BPIFC: variants seen among roughly 807,000 people sequenced by gnomAD.
BPIFC encodes BPI fold containing family C, also known as BPI fold-containing family C protein.
In BPIFC, 60 loss-of-function variants were observed where a neutral mutation model predicts 57.6. That is an observed-to-expected ratio of 1.04 (90% CI 0.85 to 1.29). The LOEUF (loss-of-function observed/expected upper bound fraction) is 1.29, where lower values mean the gene tolerates loss of function less well. Among genes scored for constraint, BPIFC ranks in the 50% most tolerant of loss-of-function variants. The probability of loss-of-function intolerance (pLI) is 0.00; values close to 1 mark genes in which losing one functional copy is unlikely to be tolerated. For missense variants in BPIFC, 581 were observed against 600.5 expected, an observed-to-expected ratio of 0.97 and a Z score of 0.34; for synonymous variants, 243 against 224.5, an observed-to-expected ratio of 1.08 and a Z score of -0.74.
At chr22:32,459,119 A>G (rs1935104743) in intron 2 of BPIFC, among the ~76,000 whole-genome samples, 1 of 152,230 alleles carries the variant, frequency 6.6e-6, no homozygotes, top group Non-Finnish European at 1.5e-5. Context: ...GTGAGCTATC[A>G]CTGCTGCACT....
intron 4 of BPIFC, among the ~76,000 whole-genome samples, chr22:32,451,348 C>G (rs910459617): frequency 2.0e-5 from 3 of 152,194 alleles, no homozygotes; most frequent in African/African-American, 7.2e-5. Context: ...GTGCATGTGT[C>G]TTTACAGCAA....
At chr22:32,425,290 C>A (rs9606952) in intron 13 of BPIFC, among the ~76,000 whole-genome samples, 18,811 of 152,142 alleles carry the variant, frequency 0.12, 1,556 homozygotes, top group Non-Finnish European at 0.19. Context: ...TTCATTTAAT[C>A]TACTGACATT....
At chr22:32,453,905 A>G (rs1390326365) in intron 3 of BPIFC, among the ~76,000 whole-genome samples, 1 of 151,892 alleles carries the variant, frequency 6.6e-6, no homozygotes, top group African/African-American at 2.4e-5. Flanking sequence ...AAACATTGAG[A>G]TCCTGTCTCT....
chr22:32,446,327 C>T (rs9621453), intron 5 of BPIFC, among the ~76,000 whole-genome samples: 63,438 of 152,028 alleles, frequency 0.42, 13,546 homozygotes, highest in Middle Eastern at 0.49. Flanking sequence ...AAGGGCAAGA[C>T]TGGCAACACT....
intron 3 of BPIFC, among the ~76,000 whole-genome samples, 172 bp from the exon 4 acceptor site, chr22:32,453,675 T>C (rs1934960411): frequency 6.6e-6 from 1 of 152,242 alleles, no homozygotes; most frequent in South Asian, 2.1e-4. Flanking sequence ...AAAACTCTGG[T>C]TCTCAGAGAG....
chr22:32,442,748 A>G lies in BPIFC; in HGVS notation c.595-17T>C. On this transcript the variant is annotated splice_polypyrimidine_tract_variant and intron_variant, in intron 7 of 16. Transcript: ENST00000300399. ...GGGACAGAGCTGGCCACAAAGGAAT[A>G]AAAAGAAAAAAGCAAGTTACCATGT... is the stretch of plus-strand genomic sequence containing the variant. The G allele has an allele frequency of 1.2e-6, 2 of 1,610,976 alleles. No individual in the cohort carries two copies. The highest frequency in any genetic ancestry group is 1.7e-6 in the Non-Finnish European group (2 of 1,178,050).
intron 13 of BPIFC, among the ~76,000 whole-genome samples, chr22:32,421,353 G>A (rs184109902): frequency 5.9e-5 from 9 of 152,224 alleles, no homozygotes; most frequent in Admixed American, 3.9e-4. Flanking sequence ...AAATATTAAC[G>A]GCAGATTTGT....
Position 32,445,704 on chromosome 22 carries a change from G to C in BPIFC, c.531-6C>G. On this transcript the variant is annotated splice_region_variant and splice_polypyrimidine_tract_variant and intron_variant, in intron 6 of 16. Coordinates refer to ENST00000300399, the MANE Select transcript of BPIFC (RefSeq NM_174932.3). ...CAAAGGAGTTATACAGAACACTGAGGAAAAAAATGAAAAAAAAAAAAAAAA... is the reference window on the plus strand; with the variant it reads ...CAAAGGAGTTATACAGAACACTGAGCAAAAAAATGAAAAAAAAAAAAAAAA... 1.9e-5 allele frequency: 3 copies of C among 155,476 alleles called. No individual in the cohort carries two copies. Among genetic ancestry groups the C allele is most frequent in the Non-Finnish European group, 3.0e-5 (3 of 99,146 alleles). 9.6% of individuals were successfully genotyped at this position (155,476 alleles called of 1,614,324 possible).
At chr22:32,446,512 T>G (rs894548182) in intron 5 of BPIFC, among the ~76,000 whole-genome samples, 4 of 152,162 alleles carry the variant, frequency 2.6e-5, no homozygotes, top group African/African-American at 9.7e-5. Context: ...AATGAATACA[T>G]GAATCTATGT....
At chr22:32,416,232 A>G (rs374080734) in intron 15 of BPIFC, among the ~76,000 whole-genome samples, 3 of 151,972 alleles carry the variant, frequency 2.0e-5, no homozygotes, top group African/African-American at 7.3e-5. Context: ...GATGCCCACC[A>G]CCATGCCTGG....
At chr22:32,445,368 T>A (rs2076031) in intron 7 of BPIFC, among the ~76,000 whole-genome samples, 1 of 151,782 alleles carries the variant, frequency 6.6e-6, no homozygotes, top group African/African-American at 2.4e-5. Context: ...AAACCCCGTC[T>A]CTACTAAAAA....
intron 13 of BPIFC, among the ~76,000 whole-genome samples, chr22:32,430,153 A>G (rs987942549): frequency 1.7e-4 from 26 of 152,178 alleles, no homozygotes; most frequent in Non-Finnish European, 2.5e-4. Context: ...CAGACAGGCC[A>G]TGGGGAAGAT....
At chr22:32,426,256 T>C (rs904182003) in intron 13 of BPIFC, among the ~76,000 whole-genome samples, 2 of 152,158 alleles carry the variant, frequency 1.3e-5, no homozygotes, top group African/African-American at 2.4e-5. Context: ...ACTTGATCCT[T>C]TTCCTGCTGC....
At chr22:32,436,288 G>C (rs1490574349) in intron 9 of BPIFC, among the ~76,000 whole-genome samples, 1 of 150,646 alleles carries the variant, frequency 6.6e-6, no homozygotes, top group Non-Finnish European at 1.5e-5. Flanking sequence ...GTGACAGAGG[G>C]GGACCTTGTC....
At chr22:32,420,353 G>C (rs1933812193) in intron 13 of BPIFC, among the ~76,000 whole-genome samples, 1 of 151,210 alleles carries the variant, frequency 6.6e-6, no homozygotes, top group Non-Finnish European at 1.5e-5. Context: ...CAGGTTTCTG[G>C]CTCTGAACTC....
chr22:32,448,729 G>A (rs1934803188), intron 4 of BPIFC, among the ~76,000 whole-genome samples: 1 of 152,072 alleles, frequency 6.6e-6, no homozygotes. Flanking sequence ...CACAAGGTCA[G>A]GAGTTCGAGA....
In BPIFC at chr22:32,419,803, C is replaced by CAA. The variant is rs34812283; in HGVS notation, c.1218-401_1218-400dup. On this transcript the variant is annotated intron_variant, in intron 13 of 16. Coordinates refer to ENST00000300399, the MANE Select transcript of BPIFC (RefSeq NM_174932.3). Reference sequence around the variant, plus strand: ...CCTGGGTATCAGAGTGAGACCCTGTCAAAAAAAAAAAAAAAAAAAAACAGA... The same window carrying CAA: ...CCTGGGTATCAGAGTGAGACCCTGTCAAAAAAAAAAAAAAAAAAAAAAACAGA... Among the ~76,000 whole-genome samples, 456 of 102,338 alleles carry CAA rather than the reference C, an allele frequency of 4.5e-3. 5 individuals are homozygous for CAA. Among genetic ancestry groups the CAA allele is most frequent in the African/African-American group, 0.014 (387 of 27,250 alleles). The allele number at this position is 102,338 out of a possible 152,430, so 67.1% of individuals were successfully genotyped here.
At chr22:32,422,138 A>C (rs1933866149) in intron 13 of BPIFC, among the ~76,000 whole-genome samples, 1 of 152,144 alleles carries the variant, frequency 6.6e-6, no homozygotes, top group Non-Finnish European at 1.5e-5. Flanking sequence ...CAAGAAATCC[A>C]ATGAAGGTTT....
chr22:32,433,773 C>G lies in BPIFC; in HGVS notation c.925-1G>C. On this transcript the variant is annotated splice_acceptor_variant, in intron 10 of 16. Coordinates refer to ENST00000300399, the MANE Select transcript of BPIFC (RefSeq NM_174932.3). LOFTEE classifies it high-confidence loss of function. ...AGTTTTGAACAAAATGGTTGGAAAT[C>G]TGGAAAATAAAGCCCATTATGTCAC... is the stretch of plus-strand genomic sequence containing the variant. 6.2e-7 allele frequency: 1 copy of G among 1,613,598 alleles called. No individual in the cohort carries two copies.
Sources: allele counts gnomAD v4.1 joint callset (sites outside exome capture counted in the v4.1 genomes callset), GRCh38; gene constraint gnomAD v4.1.1; transcripts MANE v1.5; gene names NCBI Gene and HGNC (gene_info 2026-07-23, HGNC 2026-07-21).